The following MSH4 variants were observed in gnomAD, a reference collection of about 807,000 sequenced individuals.
MSH4 encodes the protein mutS homolog 4, also known as mutS protein homolog 4.
In MSH4, 106 loss-of-function variants were observed where a neutral mutation model predicts 113.7. The ratio of observed to expected loss-of-function variants is 0.93; its 90% CI spans 0.80 to 1.10. The LOEUF (loss-of-function observed/expected upper bound fraction) is 1.10. Ranked by LOEUF, MSH4 falls within the 50% of genes least tolerant of loss-of-function variation. MSH4 has a pLI of 0.00. For synonymous variants in MSH4, 368 were observed against 380.2 expected, an observed-to-expected ratio of 0.97 and a Z score of 0.37; for missense variants, 1,061 against 1,093.7, an observed-to-expected ratio of 0.97 and a Z score of 0.42.
At chr1:75,804,043 TTACCTC>T (rs1650002175) in intron 2 of MSH4, 130 bp downstream of exon 2, 1 of 552,356 alleles carries the variant, frequency 1.8e-6, no homozygotes, top group African/African-American at 1.9e-5. Context: ...ATACATTAGT[TTACCTC>T]TATCCATAAT....
intron 7 of MSH4, among the ~76,000 whole-genome samples, chr1:75,842,698 T>C (rs1036122843): frequency 6.6e-6 from 1 of 152,178 alleles, no homozygotes; most frequent in Non-Finnish European, 1.5e-5. Flanking sequence ...AGAGGGCTCC[T>C]TGGTCTAGTG....
chr1:75,860,819 G>T (rs1651439862), intron 8 of MSH4, among the ~76,000 whole-genome samples: 1 of 152,136 alleles, frequency 6.6e-6, no homozygotes, highest in Non-Finnish European at 1.5e-5. Context: ...GTCTTGCTAG[G>T]TTGGGGAAGT....
chr1:75,816,365 T>A lies in MSH4; in HGVS notation c.816-8T>A, dbSNP rs1650292772. On this transcript the variant is annotated splice_region_variant and splice_polypyrimidine_tract_variant and intron_variant, in intron 5 of 19. Coordinates refer to ENST00000263187, the MANE Select transcript of MSH4 (RefSeq NM_002440.4). The stretch of plus-strand genomic sequence containing the variant: ...ACTTATAGTGATGTATTATTGGTCA[T>A]CTTTTAGGTATTACTGCCTTGCAGC... 2 of 1,584,766 alleles carry A rather than the reference T, an allele frequency of 1.3e-6. No individual in the cohort carries two copies. Among genetic ancestry groups the A allele is most frequent in the Admixed American group, 1.7e-5 (1 of 58,142 alleles).
At chr1:75,896,394 C>CACACACACACACA (rs571761055) in intron 17 of MSH4, among the ~76,000 whole-genome samples, 7 of 147,284 alleles carry the variant, frequency 4.8e-5, no homozygotes, top group Admixed American at 6.9e-5. Flanking sequence ...CACACACACA[C>CACACACACACACA]CCTATTGGTC....
intron 7 of MSH4, among the ~76,000 whole-genome samples, chr1:75,843,083 C>T (rs796178117): frequency 1.5e-4 from 23 of 151,944 alleles, no homozygotes; most frequent in African/African-American, 5.3e-4. Context: ...CTCTTTGTCT[C>T]CTCTCTCTCT....
chr1:75,826,011 A>G (rs1470164633), intron 7 of MSH4, among the ~76,000 whole-genome samples: 3 of 152,168 alleles, frequency 2.0e-5, no homozygotes, highest in Non-Finnish European at 4.4e-5. Context: ...CTCTTATTCT[A>G]TTGTTTGAAA....
chr1:75,874,185 CT>C (rs1168826769), intron 9 of MSH4, among the ~76,000 whole-genome samples: 4 of 151,970 alleles, frequency 2.6e-5, no homozygotes, highest in Admixed American at 1.3e-4. Context: ...TGATATTGAG[CT>C]TTTTTTTCAT....
chr1:75,832,614 T>A (rs960336609), intron 7 of MSH4, among the ~76,000 whole-genome samples: 9 of 152,174 alleles, frequency 5.9e-5, no homozygotes, highest in African/African-American at 1.9e-4. Context: ...CTCCCTGGGA[T>A]GCAAGGGTGG....
At position 75,899,679 on chromosome 1, in the gene MSH4, C is replaced by G. The variant is rs1411827784; in HGVS notation, c.2592C>G (p.Ile864Met). ...PPSIVLDAKEITTQITRQILQ... is the reference protein window; with the variant it reads ...PPSIVLDAKEMTTQITRQILQ... The stretch of plus-strand genomic sequence containing the variant: ...CAATTGTCTTGGATGCCAAGGAAAT[C>G]ACAACTCAAATTACGAGACAAATTT... The change falls in exon 19 of 20, where the codon ATC becomes ATG. Residue 864 changes from isoleucine to methionine, a missense_variant. Ile to Met is a conservative substitution (Grantham distance 10, BLOSUM62 1). Transcript: ENST00000263187. 6.6e-7 allele frequency: 1 copy of G among 1,508,894 alleles called. No individual in the cohort carries two copies. Among genetic ancestry groups the G allele is most frequent in the Non-Finnish European group, 8.8e-7 (1 of 1,136,532 alleles). The allele number at this position is 1,508,894 out of a possible 1,614,324, so 93.5% of individuals were successfully genotyped here. A position where few individuals can be genotyped will look rare whatever the true frequency, so the allele number is the denominator to read the frequency against.
intron 9 of MSH4, among the ~76,000 whole-genome samples, chr1:75,869,930 G>C (rs1177573195): frequency 6.6e-6 from 1 of 152,186 alleles, no homozygotes; most frequent in Non-Finnish European, 1.5e-5. Flanking sequence ...CAGAATGGTA[G>C]ATCCACCGAC....
chr1:75,910,382 C>T (rs993181451), intron 19 of MSH4, among the ~76,000 whole-genome samples: 2 of 151,920 alleles, frequency 1.3e-5, no homozygotes, highest in African/African-American at 4.8e-5. Flanking sequence ...TTTCATTCTC[C>T]TACCTGTTTG....
chr1:75,857,303 C>CT (rs572886491), intron 8 of MSH4, among the ~76,000 whole-genome samples: 5 of 152,230 alleles, frequency 3.3e-5, no homozygotes, highest in African/African-American at 1.2e-4. Context: ...TTAGGTCCCA[C>CT]TTGTCAATTT....
At chr1:75,850,470 T>C (rs1651160529) in intron 8 of MSH4, among the ~76,000 whole-genome samples, 1 of 152,118 alleles carries the variant, frequency 6.6e-6, no homozygotes, top group South Asian at 2.1e-4. Flanking sequence ...TTTCCAAATA[T>C]CTTTTTGTTA....
chr1:75,880,832 G>A (rs957420039), intron 13 of MSH4, among the ~76,000 whole-genome samples: 1 of 151,910 alleles, frequency 6.6e-6, no homozygotes, highest in Admixed American at 6.6e-5. Flanking sequence ...AAAAATGGAT[G>A]AGAGAGAAAA....
chr1:75,877,146 A>T (rs555347762), intron 10 of MSH4, 146 bp downstream of exon 10: 1 of 437,134 alleles, frequency 2.3e-6, no homozygotes, highest in Admixed American at 4.4e-5. Flanking sequence ...CAAAATTCTA[A>T]TTGTACATTT....
At chr1:75,849,763 T>C (rs1420826999) in intron 8 of MSH4, among the ~76,000 whole-genome samples, 1 of 152,210 alleles carries the variant, frequency 6.6e-6, no homozygotes, top group African/African-American at 2.4e-5. Context: ...AGAACTGGTA[T>C]TATTTCTTCC....
At chr1:75,843,202 C>A (rs918941889) in intron 7 of MSH4, among the ~76,000 whole-genome samples, 1 of 152,194 alleles carries the variant, frequency 6.6e-6, no homozygotes, top group African/African-American at 2.4e-5. Context: ...GCCCCTTTTG[C>A]TTTGTATCCA....
chr1:75,845,358 A>T (rs1022978811), intron 7 of MSH4, among the ~76,000 whole-genome samples: 2 of 152,182 alleles, frequency 1.3e-5, no homozygotes, highest in South Asian at 4.1e-4. Context: ...CAAATTCCCC[A>T]CCAGCTATGA....
intron 6 of MSH4, among the ~76,000 whole-genome samples, chr1:75,817,084 G>T (rs181238668): frequency 3.3e-5 from 5 of 152,254 alleles, no homozygotes; most frequent in African/African-American, 1.2e-4. Context: ...CCCAGCTAAT[G>T]GTGGAGAAAT....
Sources: allele counts gnomAD v4.1 joint callset (sites outside exome capture counted in the v4.1 genomes callset), GRCh38; gene constraint gnomAD v4.1.1; transcripts MANE v1.5; gene names NCBI Gene and HGNC (gene_info 2026-07-23, HGNC 2026-07-21).